SNX33: variants seen among roughly 807,000 people sequenced by gnomAD.
SNX33 encodes sorting nexin-33.
SNX33 carries 19 observed loss-of-function variants against 38.8 expected under a neutral mutation model. The observed-to-expected ratio is 0.49, with a 90% CI of 0.34 to 0.72. SNX33 has a LOEUF of 0.72. Ranked by LOEUF, SNX33 falls within the 30% of genes least tolerant of loss-of-function variation. The pLI is 0.01. For synonymous variants in SNX33, 246 were observed against 289.7 expected (o/e 0.85, Z 1.53); for missense variants, 641 against 776.4 (o/e 0.83, Z 2.07).
intron 1 of SNX33, among the ~76,000 whole-genome samples, chr15:75,653,315 G>A (rs964417420): frequency 6.6e-6 from 1 of 152,142 alleles, no homozygotes; most frequent in Non-Finnish European, 1.5e-5. Flanking sequence ...ATTAACCAGG[G>A]CAGTTTGGGG....
At chr15:75,654,428 T>C (rs1893627071) in intron 1 of SNX33, among the ~76,000 whole-genome samples, 1 of 152,188 alleles carries the variant, frequency 6.6e-6, no homozygotes. Flanking sequence ...TCCTGCTCCC[T>C]CCTGCCCCCA....
chr15:75,649,502 G>A lies in SNX33; in HGVS notation c.400G>A (p.Gly134Arg), dbSNP rs372555211. 2 of 1,563,844 alleles carry A rather than the reference G, an allele frequency of 1.3e-6. No homozygotes were observed. The highest frequency in any genetic ancestry group is 1.7e-6 in the Non-Finnish European group (2 of 1,151,480). The part of the protein sequence containing the change: ...CTVVEEPRAG[G>R]LGTNGHPPLN... Reference sequence around the variant, plus strand: ...AGTGGTGGAGGAGCCACGGGCTGGTGGGCTGGGCACCAACGGGCACCCTCC... The same window carrying A: ...AGTGGTGGAGGAGCCACGGGCTGGTAGGCTGGGCACCAACGGGCACCCTCC... Residue 134 changes from glycine to arginine, a missense_variant, in exon 1 of 2, where the codon GGG (glycine) becomes AGG (arginine). Gly to Arg is a moderately radical substitution (Grantham distance 125). Around this residue, in one of 2 missense-constraint regions of SNX33, gnomAD observed 243 missense variants for 233.9 expected, o/e 1.04. Coordinates refer to ENST00000308527, the MANE Select transcript of SNX33 (RefSeq NM_153271.2). This position sits in a 1 kb window ranked among gnomAD's most constrained non-coding sequence, Gnocchi z 6.6.
In SNX33 at chr15:75,657,295, C is replaced by G. The variant is rs1284409985; in HGVS notation, c.*80C>G. On this transcript the variant is annotated 3_prime_UTR_variant, in exon 2 of 2. Transcript: ENST00000308527. The surrounding 1 kb of genome is among the most constrained non-coding windows in gnomAD (Gnocchi z 5.5). ...CACTTTCCCGACCTCCCTATACCAG[C>G]AGTGACTGGGGGAGGGGTCAGCGGT... 6.3e-7 allele frequency: 1 copy of G among 1,578,690 alleles called. No individual in the cohort carries two copies. Among genetic ancestry groups the G allele is most frequent in the Non-Finnish European group, 8.6e-7 (1 of 1,160,636 alleles).
rs1384528857 is a variant in SNX33 at position 75,650,905 on chromosome 15, AC to A, written c.1471+333del. On this transcript the variant is annotated intron_variant, in intron 1 of 1. Coordinates refer to ENST00000308527, the MANE Select transcript of SNX33 (RefSeq NM_153271.2). This position sits in a 1 kb window ranked among gnomAD's most constrained non-coding sequence, Gnocchi z 6.1. The stretch of plus-strand genomic sequence containing the variant: ...AAACAAACAAATGTGTTGAATATCA[AC>A]TCTGTGTCTGTGGCAAATGTGCTTC... Among the ~76,000 whole-genome samples the A allele has an allele frequency of 6.6e-6, 1 of 151,740 alleles. No homozygotes were observed. Among genetic ancestry groups the A allele is most frequent in the African/African-American group, 2.4e-5 (1 of 41,258 alleles).
chr15:75,654,251 T>C (rs1435312403), intron 1 of SNX33, among the ~76,000 whole-genome samples: 5 of 152,180 alleles, frequency 3.3e-5, no homozygotes, highest in African/African-American at 1.2e-4. Flanking sequence ...ACTATTATTA[T>C]CCCATTTTAC....
rs762813579 is a variant in SNX33, at chr15:75,650,560, C to T, written c.1458C>T (p.Ile486=). The change falls in exon 1 of 2, where the codon ATC becomes ATT. Residue 486 remains isoleucine, a synonymous_variant. Coordinates refer to ENST00000308527, the MANE Select transcript of SNX33 (RefSeq NM_153271.2). The surrounding 1 kb of genome is among the most constrained non-coding windows in gnomAD (Gnocchi z 6.1). ...TGCTCTCCAACTTCCCTGACATCAT[C>T]CATCTACAAAAAGGTAAGGCCCAGT... ...QGLLSNFPDI[I]HLQKGAFAKV... 1.3e-6 allele frequency: 2 copies of T among 1,597,592 alleles called. No individual in the cohort carries two copies. Among genetic ancestry groups the T allele is most frequent in the South Asian group, 1.1e-5 (1 of 88,104 alleles).
rs1382007793 is a variant in SNX33, at chr15:75,650,322, TG to T, written c.1226del (p.Gly409AlafsTer88). 3 of 1,598,000 alleles carry T rather than the reference TG, an allele frequency of 1.9e-6. No individual in the cohort carries two copies. The highest frequency in any genetic ancestry group is 1.7e-6 in the Non-Finnish European group (2 of 1,170,930). On this transcript the variant is annotated frameshift_variant, in exon 1 of 2. Transcript: ENST00000308527. LOFTEE classifies it high-confidence loss of function. This position sits in a 1 kb window ranked among gnomAD's most constrained non-coding sequence, Gnocchi z 6.1. ...GCATCAGAGCTGGTGCGTAAACATG[TG>T]GGGGGCTTCCGCAAGGAATTCCAGA... ...TVASELVRKH[V>X]GGFRKEFQKL...
intron 1 of SNX33, among the ~76,000 whole-genome samples, chr15:75,652,957 G>A (rs967703247): frequency 6.6e-6 from 1 of 152,130 alleles, no homozygotes; most frequent in Non-Finnish European, 1.5e-5. Flanking sequence ...AGCCTGTCTG[G>A]ACATCTGAAT....
Position 75,660,815 on chromosome 15 carries a change from T to C in SNX33, c.*3600T>C, listed in dbSNP as rs1046031450. The C allele has an allele frequency of 1.3e-5, 2 of 152,206 alleles. No individual in the cohort carries two copies. The highest frequency in any genetic ancestry group is 4.8e-5 in the African/African-American group (2 of 41,408). The allele number at this position is 152,206 out of a possible 1,614,324, so 9.4% of individuals were successfully genotyped here. ...CCCAGGGTCCCCACCTCATCAGAGA[T>C]TAAGGAGAGCTTTGCTTGGAGACAC... On this transcript the variant is annotated 3_prime_UTR_variant, in exon 2 of 2. Coordinates refer to ENST00000308527, the MANE Select transcript of SNX33 (RefSeq NM_153271.2).
At position 75,649,626 on chromosome 15, in the gene SNX33, G is replaced by A. The variant is rs765176187; in HGVS notation, c.524G>A (p.Arg175Gln). 6 of 1,612,586 alleles carry A rather than the reference G, an allele frequency of 3.7e-6. No individual in the cohort carries two copies. The highest frequency in any genetic ancestry group is 2.7e-5 in the African/African-American group (2 of 74,916). ...ERQDSLASAK[R>Q]GSVVGRNLNR... ...CAGGACAGCCTGGCATCTGCCAAGC[G>A]AGGCAGTGTGGTGGGCCGTAACCTC... is the stretch of plus-strand genomic sequence containing the variant. The change falls in exon 1 of 2, where the codon CGA (arginine) becomes CAA (glutamine). Residue 175 changes from arginine (R) to glutamine (Q), a missense_variant. Around this residue, in one of 2 missense-constraint regions of SNX33, gnomAD observed 243 missense variants for 233.9 expected, o/e 1.04. Transcript: ENST00000308527. The surrounding 1 kb of genome is among the most constrained non-coding windows in gnomAD (Gnocchi z 6.6).
chr15:75,655,592 C>A lies in SNX33; in HGVS notation c.1472-1370C>A, dbSNP rs184612253. ...ACATGGATGTTGCCCCTTCTAAAGG[C>A]ATCCAGAGTTATTCCCAGCATGTAG... On this transcript the variant is annotated intron_variant, in intron 1 of 1. Coordinates refer to ENST00000308527, the MANE Select transcript of SNX33 (RefSeq NM_153271.2). 3.9e-5 allele frequency among the ~76,000 whole-genome samples: 6 copies of A among 152,352 alleles called. No individual in the cohort carries two copies. In the East Asian group the frequency reaches 9.6e-4, roughly 24 times the overall value.
intron 1 of SNX33, among the ~76,000 whole-genome samples, chr15:75,656,603 A>G (rs1210844237): frequency 2.6e-5 from 4 of 152,114 alleles, no homozygotes; most frequent in East Asian, 1.9e-4. Context: ...CAGCAGGCCT[A>G]TATCAGGATC....
chr15:75,651,762 C>G (rs144225772), intron 1 of SNX33, among the ~76,000 whole-genome samples: 1 of 152,342 alleles, frequency 6.6e-6, no homozygotes, highest in African/African-American at 2.4e-5. Context: ...GTGGAGCTGG[C>G]TCCCTGGCCC....
chr15:75,648,011 G>T lies in SNX33; in HGVS notation c.-1092G>T. 5 of 985,426 alleles carry T rather than the reference G, an allele frequency of 5.1e-6. No homozygotes were observed. Among genetic ancestry groups the T allele is most frequent in the Non-Finnish European group, 6.0e-6 (5 of 829,944 alleles). The allele number at this position is 985,426 out of a possible 1,614,324, so 61.0% of individuals were successfully genotyped here. On this transcript the variant is annotated 5_prime_UTR_variant, in exon 1 of 2. Transcript: ENST00000308527. This position sits in a 1 kb window ranked among gnomAD's most constrained non-coding sequence, Gnocchi z 4.4. ...GCGCAGCCCGCCCCCCACTGGCCGG[G>T]CCCCGCAGGGCGGAGAGGAGGACGG...
At position 75,648,883 on chromosome 15, in the gene SNX33, C is replaced by A; in HGVS notation, c.-220C>A. 1 of 491,058 alleles carries A rather than the reference C, an allele frequency of 2.0e-6. No individual in the cohort carries two copies. The highest frequency in any genetic ancestry group is 3.4e-6 in the Non-Finnish European group (1 of 291,658). 30.4% of individuals were successfully genotyped at this position (491,058 alleles called of 1,614,324 possible). ...AGCCCTCCCTGCTCACAAGCATATG[C>A]CCGGAGACCTGATAGGGCAGTTTCT... On this transcript the variant is annotated 5_prime_UTR_variant, in exon 1 of 2. Coordinates refer to ENST00000308527, the MANE Select transcript of SNX33 (RefSeq NM_153271.2). The surrounding 1 kb of genome is among the most constrained non-coding windows in gnomAD (Gnocchi z 4.4).
At position 75,650,751 on chromosome 15, in the gene SNX33, T is replaced by C. The variant is rs1289042751; in HGVS notation, c.1471+178T>C. On this transcript the variant is annotated intron_variant, in intron 1 of 1. Coordinates refer to ENST00000308527, the MANE Select transcript of SNX33 (RefSeq NM_153271.2). The surrounding 1 kb of genome is among the most constrained non-coding windows in gnomAD (Gnocchi z 6.1). ...GCTTACGCTTGTAATCTCAGCACTT[T>C]GGGAGGTTGAAGTAGGAGGATCACT... Among the ~76,000 whole-genome samples, 1 of 152,154 alleles carries C rather than the reference T, an allele frequency of 6.6e-6. No homozygotes were observed. Among genetic ancestry groups the C allele is most frequent in the African/African-American group, 2.4e-5 (1 of 41,430 alleles).
Position 75,649,008 on chromosome 15 carries a change from T to C in SNX33, c.-95T>C. Reference sequence around the variant, plus strand: ...GAGAGATTGAACTGTGTAAGCGCCATTCAGCTGCGAGTGCATTCTTGGACT... The same window carrying C: ...GAGAGATTGAACTGTGTAAGCGCCACTCAGCTGCGAGTGCATTCTTGGACT... On this transcript the variant is annotated 5_prime_UTR_variant, in exon 1 of 2. Transcript: ENST00000308527. The surrounding 1 kb of genome is among the most constrained non-coding windows in gnomAD (Gnocchi z 6.6). 1 of 1,459,598 alleles carries C rather than the reference T, an allele frequency of 6.9e-7. No homozygotes were observed. Among genetic ancestry groups the C allele is most frequent in the Non-Finnish European group, 9.2e-7 (1 of 1,087,040 alleles). The allele number at this position is 1,459,598 out of a possible 1,614,324, so 90.4% of individuals were successfully genotyped here.
rs1342888620 is a variant in SNX33 at position 75,647,995 on chromosome 15, G to GC, written c.-1102dup. ...GGAAGGCAGGCTGGGGGCGCAGCCCGCCCCCCACTGGCCGGGCCCCGCAGG... is the reference window on the plus strand; with the variant it reads ...GGAAGGCAGGCTGGGGGCGCAGCCCGCCCCCCCACTGGCCGGGCCCCGCAGG... On this transcript the variant is annotated 5_prime_UTR_variant, in exon 1 of 2. Coordinates refer to ENST00000308527, the MANE Select transcript of SNX33 (RefSeq NM_153271.2). 1 of 985,380 alleles carries GC rather than the reference G, an allele frequency of 1.0e-6. No homozygotes were observed. Among genetic ancestry groups the GC allele is most frequent in the South Asian group, 4.7e-5 (1 of 21,292 alleles). The allele number at this position is 985,380 out of a possible 1,614,324, so 61.0% of individuals were successfully genotyped here.
chr15:75,648,329 G>GA lies in SNX33; in HGVS notation c.-774_-773insA, dbSNP rs1893523943. ...CCTCCTTCCTCCGGGGTTGGGGCTG[G>GA]CCACTTCTGGGGCGGGGAGAGGGCG... On this transcript the variant is annotated 5_prime_UTR_variant, in exon 1 of 2. Coordinates refer to ENST00000308527, the MANE Select transcript of SNX33 (RefSeq NM_153271.2). This position sits in a 1 kb window ranked among gnomAD's most constrained non-coding sequence, Gnocchi z 4.4. The GA allele has an allele frequency of 1.0e-6, 1 of 985,266 alleles. No homozygotes were observed. Among genetic ancestry groups the GA allele is most frequent in the African/African-American group, 1.7e-5 (1 of 57,202 alleles). The allele number at this position is 985,266 out of a possible 1,614,324, so 61.0% of individuals were successfully genotyped here.
Sources: gnomAD v4.1 joint callset for allele counts (sites outside exome capture counted in the v4.1 genomes callset) on GRCh38, gnomAD v4.1.1 for gene constraint, gnomAD v4.1.1 regional missense constraint, Gnocchi (gnomAD v3.1) non-coding constraint, MANE v1.5 for transcripts, NCBI Gene and HGNC (gene_info 2026-07-23, HGNC 2026-07-21) for gene names.